Variants in DLGAP2 observed in about 807,000 individuals in gnomAD.
DLGAP2 encodes the protein disks large-associated protein 2.
In DLGAP2, 26 loss-of-function variants were observed where a neutral mutation model predicts 100.3. The observed-to-expected ratio is 0.26, with a 90% CI of 0.19 to 0.36. The LOEUF is 0.36. DLGAP2 is among the 10% of genes least tolerant of loss of function. DLGAP2 has a pLI of 1.00. For missense variants in DLGAP2, 1,858 were observed against 1,453.2 expected (o/e 1.28, Z -4.53); for synonymous variants, 886 against 630.1 (o/e 1.41, Z -6.08).
At chr8:1,543,952 G>C (rs1232215444) in intron 4 of DLGAP2, among the ~76,000 whole-genome samples, 3 of 151,840 alleles carry the variant, frequency 2.0e-5, no homozygotes, top group Non-Finnish European at 4.4e-5. Flanking sequence ...ACTTAGGCTG[G>C]AGTGCAGTGA....
chr8:1,293,958 C>T (rs996172734), intron 3 of DLGAP2, among the ~76,000 whole-genome samples: 1 of 152,222 alleles, frequency 6.6e-6, no homozygotes, highest in African/African-American at 2.4e-5. Flanking sequence ...GGATACCTTG[C>T]ACCGTATTGG....
chr8:1,153,631 G>C (rs1048270331), intron 2 of DLGAP2, among the ~76,000 whole-genome samples: 2 of 152,042 alleles, frequency 1.3e-5, no homozygotes, highest in African/African-American at 4.8e-5. Flanking sequence ...ATATTTTTTA[G>C]ACTTTTCACA....
At chr8:913,950 T>C (rs1798540720) in intron 2 of DLGAP2, among the ~76,000 whole-genome samples, 1 of 151,644 alleles carries the variant, frequency 6.6e-6, no homozygotes, top group East Asian at 2.0e-4. Flanking sequence ...CTCAGACGGG[T>C]TTGCTGCCAC....
chr8:1,195,061 C>A (rs769308820), intron 2 of DLGAP2, among the ~76,000 whole-genome samples: 2 of 152,274 alleles, frequency 1.3e-5, no homozygotes, highest in Admixed American at 1.3e-4. Context: ...GCGTCCGCCC[C>A]AGCATGAGTG....
chr8:1,607,767 G>T (rs1391543079), intron 6 of DLGAP2, among the ~76,000 whole-genome samples: 1 of 152,212 alleles, frequency 6.6e-6, no homozygotes, highest in South Asian at 2.1e-4. Flanking sequence ...CTGAGTCAAA[G>T]AAAGGGGTGA....
intron 2 of DLGAP2, among the ~76,000 whole-genome samples, chr8:989,186 G>C (rs918616822): frequency 6.6e-6 from 1 of 152,112 alleles, no homozygotes; most frequent in Admixed American, 6.5e-5. Context: ...AGAGCACTTG[G>C]GGGGCTCTCC....
At chr8:1,522,485 G>A (rs546617838) in intron 4 of DLGAP2, among the ~76,000 whole-genome samples, 130 of 152,322 alleles carry the variant, frequency 8.5e-4, no homozygotes, top group Non-Finnish European at 1.6e-3. Flanking sequence ...AGAGCCTCAC[G>A]CACGGGTGCT....
chr8:1,448,720 A>C (rs1584914806), intron 3 of DLGAP2, among the ~76,000 whole-genome samples: 2 of 152,134 alleles, frequency 1.3e-5, no homozygotes, highest in East Asian at 3.9e-4. Context: ...ATTGTTTTTA[A>C]ATGTACTTTT....
At chr8:1,220,150 C>A (rs887737161) in intron 2 of DLGAP2, among the ~76,000 whole-genome samples, 1 of 151,858 alleles carries the variant, frequency 6.6e-6, no homozygotes, top group Non-Finnish European at 1.5e-5. Context: ...TTTCTTCTAC[C>A]TTTGGGTTAG....
chr8:820,383 G>T (rs191589055), intron 1 of DLGAP2, among the ~76,000 whole-genome samples: 37 of 152,266 alleles, frequency 2.4e-4, no homozygotes, highest in African/African-American at 7.9e-4. Flanking sequence ...ACTGTTGAAA[G>T]ATATCATTAA....
At chr8:1,333,984 C>A (rs764410456) in intron 3 of DLGAP2, among the ~76,000 whole-genome samples, 1 of 152,222 alleles carries the variant, frequency 6.6e-6, no homozygotes, top group East Asian at 1.9e-4. Flanking sequence ...CCACGTGCTC[C>A]GCAACTGAGG....
At chr8:1,287,265 CGT>C (rs1169216188) in intron 3 of DLGAP2, among the ~76,000 whole-genome samples, 1,107 of 32,454 alleles carry the variant, frequency 0.034, 26 homozygotes, top group Middle Eastern at 0.071. Flanking sequence ...TTTAGTTCAG[CGT>C]GTGTGTGTGT....
intron 2 of DLGAP2, among the ~76,000 whole-genome samples, chr8:984,744 A>G (rs10104458): frequency 0.16 from 24,808 of 152,214 alleles, 2,583 homozygotes; most frequent in Non-Finnish European, 0.24. Flanking sequence ...CTGTTTTTAC[A>G]TTTTTAATTA....
intron 1 of DLGAP2, among the ~76,000 whole-genome samples, chr8:852,627 G>T (rs1451955935): frequency 6.6e-6 from 1 of 152,190 alleles, no homozygotes; most frequent in Non-Finnish European, 1.5e-5. Context: ...CGGACAGAGT[G>T]TTATGTTCCC....
chr8:1,684,689 G>T (rs2130866100), intron 12 of DLGAP2, among the ~76,000 whole-genome samples: 1 of 152,022 alleles, frequency 6.6e-6, no homozygotes, highest in Admixed American at 6.6e-5. Context: ...GTTAATAAAA[G>T]TACTTTCAAG....
intron 2 of DLGAP2, among the ~76,000 whole-genome samples, chr8:1,234,442 C>A (rs1798601694): frequency 6.6e-6 from 1 of 152,196 alleles, no homozygotes; most frequent in African/African-American, 2.4e-5. Context: ...ATTCCAGTGT[C>A]AGCTTTTCAT....
In DLGAP2 at chr8:1,705,861, T is replaced by C. The variant is rs1799692078; in HGVS notation, c.*4455T>C. 6.6e-6 allele frequency: 1 copy of C among 152,162 alleles called. No homozygotes were observed. Among genetic ancestry groups the C allele is most frequent in the African/African-American group, 2.4e-5 (1 of 41,426 alleles). 9.4% of individuals were successfully genotyped at this position (152,162 alleles called of 1,614,324 possible). Reference sequence around the variant, plus strand: ...TGTAGGCGTGGGTTGAATACAAGTTTCCAAAACTTTAAAATAGAAAACCAC... The same window carrying C: ...TGTAGGCGTGGGTTGAATACAAGTTCCCAAAACTTTAAAATAGAAAACCAC... On this transcript the variant is annotated 3_prime_UTR_variant, in exon 15 of 15. Transcript: ENST00000637795.
intron 3 of DLGAP2, among the ~76,000 whole-genome samples, chr8:1,441,134 A>T (rs1197930626): frequency 6.6e-6 from 1 of 152,218 alleles, no homozygotes; most frequent in Non-Finnish European, 1.5e-5. Flanking sequence ...GTTTTGAGGA[A>T]GTATTATCTA....
At chr8:1,436,667 G>T (rs569976966) in intron 3 of DLGAP2, among the ~76,000 whole-genome samples, 81 of 152,260 alleles carry the variant, frequency 5.3e-4, no homozygotes, top group South Asian at 1.2e-3. Flanking sequence ...TGCAGTGTGT[G>T]TAGAGTCTAC....
Sources: allele counts gnomAD v4.1 joint callset (sites outside exome capture counted in the v4.1 genomes callset), GRCh38; gene constraint gnomAD v4.1.1; transcripts MANE v1.5; gene names NCBI Gene and HGNC (gene_info 2026-07-23, HGNC 2026-07-21).